RNLS: variants seen among roughly 807,000 people sequenced by gnomAD.
RNLS encodes renalase.
RNLS carries 39 observed loss-of-function variants against 39.8 expected under a neutral mutation model. That is an observed-to-expected ratio of 0.98 (90% CI 0.76 to 1.28). RNLS has a LOEUF of 1.28. Ranked by LOEUF, RNLS falls within the 50% of genes most tolerant of loss-of-function variation. RNLS has a pLI of 0.00. For missense variants in RNLS, 410 were observed against 413.3 expected (o/e 0.99, Z 0.07); for synonymous variants, 147 against 150.7 (o/e 0.98, Z 0.18).
chr10:88,446,080 C>G (rs1842016346), intron 4 of RNLS, among the ~76,000 whole-genome samples: 1 of 152,160 alleles, frequency 6.6e-6, no homozygotes, highest in Admixed American at 6.5e-5. Context: ...CACTCCTCAG[C>G]AGATGTAAAA....
chr10:88,556,194 T>C (rs1203137471), intron 4 of RNLS, among the ~76,000 whole-genome samples: 1 of 152,174 alleles, frequency 6.6e-6, no homozygotes, highest in African/African-American at 2.4e-5. Context: ...GATTTCACTC[T>C]GGAAACCACT....
rs537638841 is a variant in RNLS, at chr10:88,403,458, A to G, written c.527-40733T>C. Among the ~76,000 whole-genome samples, 9 of 152,202 alleles carry G rather than the reference A, an allele frequency of 5.9e-5. No individual in the cohort carries two copies. In the South Asian group the frequency reaches 1.9e-3, roughly 31 times the overall value. Reference sequence around the variant, plus strand: ...AAGTACCTTTATCTTGGAGAAATATACACTGAAATATTTACAGATGAAATA... The same window carrying G: ...AAGTACCTTTATCTTGGAGAAATATGCACTGAAATATTTACAGATGAAATA... On this transcript the variant is annotated intron_variant, in intron 4 of 6. Transcript: ENST00000331772.
At chr10:88,298,204 G>C (rs771270315) in intron 6 of RNLS, among the ~76,000 whole-genome samples, 4 of 151,040 alleles carry the variant, frequency 2.6e-5, no homozygotes, top group Non-Finnish European at 4.4e-5. Flanking sequence ...TTTTGCTGTT[G>C]TAAGAGTTCT....
intron 4 of RNLS, among the ~76,000 whole-genome samples, chr10:88,369,296 C>T (rs538961550): frequency 2.4e-4 from 37 of 152,284 alleles, no homozygotes; most frequent in African/African-American, 7.7e-4. Flanking sequence ...CCTTGCCCTT[C>T]TCTGCTTTGA....
rs192711021 is a variant in RNLS, at chr10:88,387,838, G to A, written c.527-25113C>T. 2.3e-3 allele frequency among the ~76,000 whole-genome samples: 346 copies of A among 152,176 alleles called. 2 individuals are homozygous for A. The highest frequency in any genetic ancestry group is 3.0e-3 in the Non-Finnish European group (207 of 68,032). ...TGACAGCAGAAAAGAAAATCAGAAG[G>A]CACGTCAGCCTGTAGTTTAGCGGGC... On this transcript the variant is annotated intron_variant, in intron 4 of 6. Coordinates refer to ENST00000331772, the MANE Select transcript of RNLS (RefSeq NM_001031709.3).
chr10:88,329,060 G>A (rs1018472519), intron 5 of RNLS, among the ~76,000 whole-genome samples: 5 of 151,638 alleles, frequency 3.3e-5, no homozygotes, highest in Non-Finnish European at 7.4e-5. Flanking sequence ...GAGACTGTTA[G>A]GAAGTCAAGT....
the RNLS span, among the ~76,000 whole-genome samples, chr10:88,261,523 T>G: frequency 1.3e-5 from 2 of 152,170 alleles, no homozygotes; most frequent in African/African-American, 4.8e-5. Context: ...AGAGTACCTC[T>G]TATTAGATGA....
chr10:88,404,909 G>A (rs1409509417), intron 4 of RNLS, among the ~76,000 whole-genome samples: 1 of 152,044 alleles, frequency 6.6e-6, no homozygotes, highest in Admixed American at 6.6e-5. Flanking sequence ...CTGAAGTGGA[G>A]GGAAACTACA....
intron 4 of RNLS, among the ~76,000 whole-genome samples, chr10:88,404,576 A>T (rs1178091118): frequency 6.6e-6 from 1 of 152,062 alleles, no homozygotes; most frequent in Non-Finnish European, 1.5e-5. Flanking sequence ...CATAATTTTA[A>T]GTTAGAAGAT....
chr10:88,227,325 A>G, the RNLS span, among the ~76,000 whole-genome samples: 1 of 152,224 alleles, frequency 6.6e-6, no homozygotes, highest in African/African-American at 2.4e-5. Flanking sequence ...GAACAATATC[A>G]AGCTGATGAA....
At chr10:88,578,516 T>C (rs1210177969) in intron 3 of RNLS, among the ~76,000 whole-genome samples, 2 of 152,176 alleles carry the variant, frequency 1.3e-5, no homozygotes, top group Middle Eastern at 3.4e-3. Context: ...CAACAAATCC[T>C]ATAGATAATA....
At chr10:88,343,926 A>G in intron 5 of RNLS, 1 of 534,930 alleles carries the variant, frequency 1.9e-6, no homozygotes, top group Non-Finnish European at 2.4e-6. Flanking sequence ...TTCTCCTTCC[A>G]CAATGCCTAA....
the RNLS span, among the ~76,000 whole-genome samples, chr10:88,194,426 G>A: frequency 6.0e-4 from 92 of 152,318 alleles, 1 homozygote; most frequent in African/African-American, 2.1e-3. Flanking sequence ...GGGACAAAGT[G>A]GCTCAAGCCT....
At chr10:88,476,849 G>GTTC (rs1030509480) in intron 4 of RNLS, among the ~76,000 whole-genome samples, 3 of 152,184 alleles carry the variant, frequency 2.0e-5, no homozygotes, top group Non-Finnish European at 4.4e-5. Flanking sequence ...GGGTGCTGAT[G>GTTC]TTCATAAAAC....
At chr10:88,323,901 C>T (rs532969612) in intron 5 of RNLS, among the ~76,000 whole-genome samples, 2 of 152,026 alleles carry the variant, frequency 1.3e-5, no homozygotes, top group South Asian at 2.1e-4. Context: ...ACAAAACAAC[C>T]CCATTAAAAA....
intron 4 of RNLS, among the ~76,000 whole-genome samples, chr10:88,529,199 T>C (rs1468761038): frequency 1.3e-5 from 2 of 152,150 alleles, no homozygotes; most frequent in Non-Finnish European, 2.9e-5. Flanking sequence ...AGGGAGGCAC[T>C]TGAAGGAGGA....
At position 88,284,930 on chromosome 10, in the gene RNLS, T is replaced by C. The variant is rs1353948105; in HGVS notation, c.*424A>G. On this transcript the variant is annotated 3_prime_UTR_variant, in exon 7 of 7. Coordinates refer to ENST00000331772, the MANE Select transcript of RNLS (RefSeq NM_001031709.3). ...TTGTTTTGTATAATTTGCAAAAATA[T>C]TGATTCAAGGACACATCCGAAGACT... 3.0e-6 allele frequency: 3 copies of C among 985,948 alleles called. No homozygotes were observed. Among genetic ancestry groups the C allele is most frequent in the East Asian group, 2.3e-4 (2 of 8,846 alleles). 61.1% of individuals were successfully genotyped at this position (985,948 alleles called of 1,614,324 possible). A position where few individuals can be genotyped will look rare whatever the true frequency, so the allele number is the denominator to read the frequency against.
At chr10:88,248,701 A>G in the RNLS span, among the ~76,000 whole-genome samples, 1 of 152,168 alleles carries the variant, frequency 6.6e-6, no homozygotes, top group African/African-American at 2.4e-5. Context: ...ATTGATTGAT[A>G]GTACCCTCCC....
chr10:88,264,950 A>G, the RNLS span, among the ~76,000 whole-genome samples: 1 of 152,226 alleles, frequency 6.6e-6, no homozygotes, highest in African/African-American at 2.4e-5. Context: ...GTTATCTTCT[A>G]GAATTTTTAT....
Sources: allele counts gnomAD v4.1 joint callset (sites outside exome capture counted in the v4.1 genomes callset), GRCh38; gene constraint gnomAD v4.1.1; transcripts MANE v1.5; gene names NCBI Gene and HGNC (gene_info 2026-07-23, HGNC 2026-07-21).